Variants in GPR19 observed in about 807,000 individuals in gnomAD.
GPR19 encodes the protein G protein-coupled receptor 19.
Under a neutral mutation model 28.5 loss-of-function variants are expected in GPR19, and 14 were observed. That is an observed-to-expected ratio of 0.49 (90% CI 0.32 to 0.77). The LOEUF (loss-of-function observed/expected upper bound fraction) is 0.77, where lower values mean the gene tolerates loss of function less well. Ranked by LOEUF, GPR19 falls within the 30% of genes least tolerant of loss-of-function variation. The pLI is 0.03. For missense variants in GPR19, 409 were observed against 504.1 expected (o/e 0.81, Z 1.81); for synonymous variants, 173 against 184.1 (o/e 0.94, Z 0.49).
At chr12:12,675,959 T>C (rs1386739051) in intron 3 of GPR19, among the ~76,000 whole-genome samples, 1 of 152,218 alleles carries the variant, frequency 6.6e-6, no homozygotes, top group African/African-American at 2.4e-5. Context: ...CAGTGTTATC[T>C]TAAGCCACTA....
upstream of GPR19, among the ~76,000 whole-genome samples, chr12:12,699,050 AGAAT>A (rs1300528727): frequency 6.6e-6 from 1 of 152,122 alleles, no homozygotes; most frequent in Non-Finnish European, 1.5e-5. Context: ...GGGAAAAGAA[AGAAT>A]GAATTTGGCC....
intron 2 of GPR19, chr12:12,688,506 G>C (rs939618684): frequency 6.6e-6 from 1 of 152,306 alleles, no homozygotes; most frequent in South Asian, 2.1e-4. Context: ...CTACCACAGT[G>C]AGTTACCTCC....
chr12:12,716,842 G>T, the GPR19 span: 1 of 984,036 alleles, frequency 1.0e-6, no homozygotes, highest in African/African-American at 1.7e-5. Flanking sequence ...GCCGGCGGGG[G>T]GGCGCCCAGC....
chr12:12,710,149 C>T, the GPR19 span, among the ~76,000 whole-genome samples: 31 of 152,184 alleles, frequency 2.0e-4, no homozygotes, highest in East Asian at 1.5e-3. Flanking sequence ...GTCAGGAGTT[C>T]GAGACCAGCC....
the GPR19 span, among the ~76,000 whole-genome samples, chr12:12,712,098 C>A: frequency 6.6e-6 from 1 of 152,230 alleles, no homozygotes; most frequent in Non-Finnish European, 1.5e-5. Context: ...ACAGTCAAGG[C>A]TGGAAGCACC....
upstream of GPR19, among the ~76,000 whole-genome samples, chr12:12,696,748 C>G (rs1360851417): frequency 2.6e-5 from 4 of 152,194 alleles, no homozygotes; most frequent in Non-Finnish European, 2.9e-5. Flanking sequence ...CTCGCCGCCC[C>G]GAGCGCCTTG....
At chr12:12,669,703 G>C (rs141398272) in intron 3 of GPR19, among the ~76,000 whole-genome samples, 1 of 152,268 alleles carries the variant, frequency 6.6e-6, no homozygotes, top group Admixed American at 6.5e-5. Flanking sequence ...CCCCTCTGCA[G>C]AGCCAGTTGT....
chr12:12,711,604 T>G, the GPR19 span, among the ~76,000 whole-genome samples: 1 of 152,220 alleles, frequency 6.6e-6, no homozygotes, highest in Admixed American at 6.5e-5. Context: ...GGCAGTTGTA[T>G]GCTCAGTTAT....
intron 2 of GPR19, among the ~76,000 whole-genome samples, chr12:12,694,585 T>C (rs532534403): frequency 9.3e-4 from 141 of 152,214 alleles, no homozygotes; most frequent in African/African-American, 3.3e-3. Context: ...AACTGATAGG[T>C]GGCATGTACT....
intron 3 of GPR19, among the ~76,000 whole-genome samples, chr12:12,667,244 C>T (rs1179979209): frequency 1.3e-5 from 2 of 152,226 alleles, no homozygotes; most frequent in African/African-American, 2.4e-5. Flanking sequence ...ATTTGACATA[C>T]TCCCTTGGCT....
At chr12:12,667,216 G>GCCAGTTCTGAGACTACCATTT (rs1239386570) in intron 3 of GPR19, among the ~76,000 whole-genome samples, 1 of 152,202 alleles carries the variant, frequency 6.6e-6, no homozygotes, top group African/African-American at 2.4e-5. Context: ...TCTCTTCCCA[G>GCCAGTTCTGAGACTACCATTT]CCAGTTCTGA....
At chr12:12,679,924 T>C (rs1945993246) in intron 3 of GPR19, among the ~76,000 whole-genome samples, 1 of 152,134 alleles carries the variant, frequency 6.6e-6, no homozygotes, top group South Asian at 2.1e-4. Context: ...GATAATAAAA[T>C]AAATTACACA....
intron 2 of GPR19, among the ~76,000 whole-genome samples, chr12:12,692,282 A>C (rs1185205074): frequency 1.3e-5 from 2 of 152,194 alleles, no homozygotes; most frequent in Non-Finnish European, 2.9e-5. Context: ...CTGGCCACTT[A>C]TCTAACTCCA....
intron 2 of GPR19, among the ~76,000 whole-genome samples, chr12:12,689,364 A>G (rs1303904058): frequency 6.6e-6 from 1 of 152,204 alleles, no homozygotes; most frequent in African/African-American, 2.4e-5. Context: ...TGCATACTCT[A>G]GGTCCAGAAT....
At chr12:12,674,274 CAAAAA>C (rs11423009) in intron 3 of GPR19, among the ~76,000 whole-genome samples, 19 of 103,858 alleles carry the variant, frequency 1.8e-4, no homozygotes, top group East Asian at 1.8e-3. Context: ...CTATCTCTAC[CAAAAA>C]AAAAAAAAAA....
At chr12:12,673,178 G>A (rs185027077) in intron 3 of GPR19, among the ~76,000 whole-genome samples, 2 of 152,270 alleles carry the variant, frequency 1.3e-5, no homozygotes, top group Non-Finnish European at 2.9e-5. Flanking sequence ...TTTCAGTTAG[G>A]TGTGGTCACA....
At chr12:12,716,671 C>A in the GPR19 span, 1 of 733,612 alleles carries the variant, frequency 1.4e-6, no homozygotes, top group Non-Finnish European at 1.7e-6. Context: ...AGCTTGAGTT[C>A]ATGATAAGTG....
intron 3 of GPR19, among the ~76,000 whole-genome samples, chr12:12,665,008 A>G (rs888591349): frequency 2.6e-5 from 4 of 151,762 alleles, no homozygotes; most frequent in African/African-American, 9.7e-5. Flanking sequence ...GCACCCTCAT[A>G]CATATAAGAT....
intron 3 of GPR19, among the ~76,000 whole-genome samples, chr12:12,670,780 T>G (rs1945846125): frequency 6.6e-6 from 1 of 152,198 alleles, no homozygotes; most frequent in African/African-American, 2.4e-5. Context: ...TTTAGCTTTG[T>G]CAAGGGTAAA....
Sources: allele counts gnomAD v4.1 joint callset (sites outside exome capture counted in the v4.1 genomes callset), GRCh38; gene constraint gnomAD v4.1.1; transcripts MANE v1.5; gene names NCBI Gene and HGNC (gene_info 2026-07-23, HGNC 2026-07-21).